BIRC2: variants seen among roughly 807,000 people sequenced by gnomAD.
BIRC2 encodes the protein baculoviral IAP repeat-containing protein 2.
BIRC2 carries 18 observed loss-of-function variants against 60.9 expected under a neutral mutation model. The observed-to-expected ratio is 0.30, with a 90% CI of 0.20 to 0.44. The LOEUF is 0.44. Among genes scored for constraint, BIRC2 ranks in the 20% least tolerant of loss-of-function variants. The pLI, the probability that BIRC2 is intolerant of heterozygous loss-of-function variation, is 1.00. For synonymous variants in BIRC2, 282 were observed against 247.7 expected (o/e 1.14, Z -1.30); for missense variants, 701 against 728.5 (o/e 0.96, Z 0.43).
At chr11:102,363,792 C>T in intron 5 of BIRC2, 76 bp downstream of exon 5, 2 of 1,207,994 alleles carry the variant, frequency 1.7e-6, no homozygotes, top group Non-Finnish European at 2.4e-6. Flanking sequence ...TGCAGTGGCT[C>T]ATGCCTGTAA....
intron 6 of BIRC2, among the ~76,000 whole-genome samples, chr11:102,375,058 C>T (rs1385708924): frequency 6.6e-6 from 1 of 152,244 alleles, no homozygotes; most frequent in East Asian, 1.9e-4. Flanking sequence ...TGGCCTGCGC[C>T]CACTGTCTGG....
intron 3 of BIRC2, among the ~76,000 whole-genome samples, chr11:102,361,265 G>T (rs1409484028): frequency 6.6e-6 from 1 of 152,212 alleles, no homozygotes; most frequent in African/African-American, 2.4e-5. Flanking sequence ...TGCCTCAGAT[G>T]TGGGTGCACG....
rs889083137 is a variant in BIRC2 at position 102,349,707 on chromosome 11, A to C, written c.-148A>C. On this transcript the variant is annotated 5_prime_UTR_variant, in exon 2 of 9. Transcript: ENST00000227758. ...TCAGAGAGATACTCATCCTACCTGA[A>C]TATAAACTGAGATAAATCCAGTAAA... 12 of 821,416 alleles carry C rather than the reference A, an allele frequency of 1.5e-5. No individual in the cohort carries two copies. The highest frequency in any genetic ancestry group is 2.0e-5 in the Non-Finnish European group (11 of 538,904). The allele number at this position is 821,416 out of a possible 1,614,324, so 50.9% of individuals were successfully genotyped here.
At chr11:102,360,681 C>T (rs1288884609) in intron 3 of BIRC2, among the ~76,000 whole-genome samples, 2 of 146,470 alleles carry the variant, frequency 1.4e-5, no homozygotes, top group African/African-American at 2.5e-5. Context: ...GCTAATGTCA[C>T]GTTTCTTTTT....
At chr11:102,347,508 G>A (rs1273702030) in intron 1 of BIRC2, 132 bp downstream of exon 1, 1 of 152,286 alleles carries the variant, frequency 6.6e-6, no homozygotes, top group African/African-American at 2.4e-5. Context: ...CAAGGGTCGA[G>A]GGTCGCCGGG....
In BIRC2 at chr11:102,378,347, C is replaced by A; in HGVS notation, c.*164C>A. Reference sequence around the variant, plus strand: ...AATCTTGTTTCTGAAAAGATGGTATCATATATTTAATCTTAATCTGTTTAT... The same window carrying A: ...AATCTTGTTTCTGAAAAGATGGTATAATATATTTAATCTTAATCTGTTTAT... On this transcript the variant is annotated 3_prime_UTR_variant, in exon 9 of 9. Coordinates refer to ENST00000227758, the MANE Select transcript of BIRC2 (RefSeq NM_001166.5). 2 of 557,886 alleles carry A rather than the reference C, an allele frequency of 3.6e-6. No individual in the cohort carries two copies. The highest frequency in any genetic ancestry group is 6.0e-6 in the Non-Finnish European group (2 of 334,880). 34.6% of individuals were successfully genotyped at this position (557,886 alleles called of 1,614,324 possible). A position where few individuals can be genotyped will look rare whatever the true frequency, so the allele number is the denominator to read the frequency against.
chr11:102,355,087 G>T (rs1382093043), intron 3 of BIRC2, among the ~76,000 whole-genome samples: 1 of 149,990 alleles, frequency 6.7e-6, no homozygotes, highest in African/African-American at 2.5e-5. Context: ...TGTTTCCTTT[G>T]CTGAGCAGAA....
chr11:102,359,336 CT>C lies in BIRC2; in HGVS notation c.996-3552del, dbSNP rs564257866. ...ATTGAAGCTATAGTTATTTTTAATA[CT>C]TTTTTTTAAAAACCTGTATTTTAGA... On this transcript the variant is annotated intron_variant, in intron 3 of 8. Transcript: ENST00000227758. Among the ~76,000 whole-genome samples the C allele has an allele frequency of 2.6e-4, 39 of 151,942 alleles. No homozygotes were observed. In the South Asian group the frequency reaches 3.3e-3, roughly 13 times the overall value.
chr11:102,363,810 A>G, intron 5 of BIRC2, 94 bp downstream of exon 5: 1 of 962,496 alleles, frequency 1.0e-6, no homozygotes, highest in Non-Finnish European at 1.6e-6. Context: ...TAATCCCAAC[A>G]CTTTGAGAGG....
In BIRC2 at chr11:102,349,632, A is replaced by G; in HGVS notation, c.-223A>G. ...ACAAATAGCACTTAGGTTACCTGAA[A>G]GAGTTACTACAACCCCAAAGAGTTG... On this transcript the variant is annotated 5_prime_UTR_variant, in exon 2 of 9. Coordinates refer to ENST00000227758, the MANE Select transcript of BIRC2 (RefSeq NM_001166.5). 1 of 441,802 alleles carries G rather than the reference A, an allele frequency of 2.3e-6. No homozygotes were observed. Among genetic ancestry groups the G allele is most frequent in the East Asian group, 3.5e-5 (1 of 28,356 alleles). 27.4% of individuals were successfully genotyped at this position (441,802 alleles called of 1,614,324 possible).
rs1314677523 is a variant in BIRC2 at position 102,347,257 on chromosome 11, A to T, written c.-1377A>T. The T allele has an allele frequency of 2.6e-5, 4 of 152,202 alleles. No individual in the cohort carries two copies. The highest frequency in any genetic ancestry group is 9.7e-5 in the African/African-American group (4 of 41,428). 9.4% of individuals were successfully genotyped at this position (152,202 alleles called of 1,614,324 possible). On this transcript the variant is annotated 5_prime_UTR_variant, in exon 1 of 9. Coordinates refer to ENST00000227758, the MANE Select transcript of BIRC2 (RefSeq NM_001166.5). The stretch of plus-strand genomic sequence containing the variant: ...CCCGGATGGGGCGGCGGGCTTCGGG[A>T]GCGCCCGGGCTGATCCGAGCCGAGC...
At chr11:102,354,952 T>TTG (rs1319224466) in intron 3 of BIRC2, among the ~76,000 whole-genome samples, 1 of 150,822 alleles carries the variant, frequency 6.6e-6, no homozygotes, top group Non-Finnish European at 1.5e-5. Flanking sequence ...GGGTTTTTTT[T>TTG]TTTTTTTTTT....
intron 3 of BIRC2, among the ~76,000 whole-genome samples, chr11:102,352,159 G>A (rs566402050): frequency 1.3e-5 from 2 of 151,248 alleles, no homozygotes; most frequent in African/African-American, 2.4e-5. Flanking sequence ...TGTCACCCAG[G>A]CTGGAGAGCA....
rs538770776 is a variant in BIRC2, at chr11:102,362,757, A to G, written c.996-139A>G. 1.2e-4 allele frequency: 68 copies of G among 568,100 alleles called. 1 individual carries two copies. In the East Asian group the frequency reaches 1.9e-3, roughly 16 times the overall value. 35.2% of individuals were successfully genotyped at this position (568,100 alleles called of 1,614,324 possible). A position where few individuals can be genotyped will look rare whatever the true frequency, so the allele number is the denominator to read the frequency against. ...TATGATAATTTTGTTCCTGTTAGAT[A>G]TGTATGTGTTCTGGGTTGTGACGTA... On this transcript the variant is annotated intron_variant, in intron 3 of 8. Transcript: ENST00000227758.
chr11:102,350,239 T>G lies in BIRC2; in HGVS notation c.385T>G (p.Ser129Ala). 1 of 1,614,190 alleles carries G rather than the reference T, an allele frequency of 6.2e-7. No homozygotes were observed. Among genetic ancestry groups the G allele is most frequent in the South Asian group, 1.1e-5 (1 of 91,080 alleles). ...ASLGSTSKNT[S>A]PMRNSFAHSL... Reference sequence around the variant, plus strand: ...TCTGGGATCCACCTCTAAGAATACGTCTCCAATGAGAAACAGTTTTGCACA... The same window carrying G: ...TCTGGGATCCACCTCTAAGAATACGGCTCCAATGAGAAACAGTTTTGCACA... The change falls in exon 2 of 9, where the codon TCT (serine) becomes GCT (alanine). Residue 129 changes from serine to alanine, a missense_variant. Ser to Ala is a moderately conservative substitution (Grantham distance 99). Transcript: ENST00000227758.
chr11:102,377,490 A>T lies in BIRC2; in HGVS notation c.1367-6A>T. 1 of 1,579,992 alleles carries T rather than the reference A, an allele frequency of 6.3e-7. No homozygotes were observed. The highest frequency in any genetic ancestry group is 2.0e-5 in the Admixed American group (1 of 49,754). On this transcript the variant is annotated splice_region_variant and splice_polypyrimidine_tract_variant and intron_variant, in intron 6 of 8. Transcript: ENST00000227758. Reference sequence around the variant, plus strand: ...TAATGGATTTCTTTTTCTTTTTTTAATGAAGATGATTTGTCATTAATTCGG... The same window carrying T: ...TAATGGATTTCTTTTTCTTTTTTTATTGAAGATGATTTGTCATTAATTCGG...
chr11:102,365,299 T>C (rs1042172766), intron 5 of BIRC2, among the ~76,000 whole-genome samples: 1 of 152,188 alleles, frequency 6.6e-6, no homozygotes, highest in Admixed American at 6.5e-5. Context: ...GAATCACTCA[T>C]GTTAGCATAT....
chr11:102,375,843 C>G (rs1372117656), intron 6 of BIRC2, among the ~76,000 whole-genome samples: 2 of 151,366 alleles, frequency 1.3e-5, no homozygotes, highest in African/African-American at 4.9e-5. Context: ...TTCAACCAGA[C>G]ATCGGCTTTC....
intron 3 of BIRC2, 95 bp from the exon 4 acceptor site, chr11:102,362,801 G>C (rs921855010): frequency 3.6e-5 from 33 of 911,362 alleles, no homozygotes; most frequent in Non-Finnish European, 5.5e-5. Context: ...TTACTATGGA[G>C]TACAATGAAA....
Sources: allele counts gnomAD v4.1 joint callset (sites outside exome capture counted in the v4.1 genomes callset), GRCh38; gene constraint gnomAD v4.1.1; transcripts MANE v1.5; gene names NCBI Gene and HGNC (gene_info 2026-07-23, HGNC 2026-07-21).